RAB6A: variants seen among roughly 807,000 people sequenced by gnomAD.
RAB6A encodes the protein RAB6A, member RAS oncogene family.
RAB6A carries 8 observed loss-of-function variants against 32.3 expected under a neutral mutation model. The observed-to-expected ratio is 0.25, with a 90% CI of 0.15 to 0.45. The LOEUF (loss-of-function observed/expected upper bound fraction) is 0.45. Ranked by LOEUF, RAB6A falls within the 20% of genes least tolerant of loss-of-function variation. The probability of loss-of-function intolerance (pLI) is 1.00; values close to 1 mark genes in which losing one functional copy is unlikely to be tolerated. For missense variants in RAB6A, 104 were observed against 249.4 expected (o/e 0.42, Z 3.93); for synonymous variants, 73 against 82.1 (o/e 0.89, Z 0.60).
intron 2 of RAB6A, 102 bp from the exon 3 acceptor site, chr11:73,721,001 A>G: frequency 1.2e-6 from 1 of 839,900 alleles, no homozygotes; most frequent in Non-Finnish European, 2.0e-6. Flanking sequence ...TAATGAATAA[A>G]CAAATCAATA....
Position 73,704,646 on chromosome 11 carries a change from C to T in RAB6A, c.495+2774G>A, listed in dbSNP as rs554872115. On this transcript the variant is annotated intron_variant, in intron 6 of 7. Coordinates refer to ENST00000336083, the MANE Select transcript of RAB6A (RefSeq NM_198896.2). The stretch of plus-strand genomic sequence containing the variant: ...GTTGCAGTGAGCTGAGATCGTGCCA[C>T]TGCACTCCAGCCTGGCGACAGAGTG... Among the ~76,000 whole-genome samples the T allele has an allele frequency of 1.1e-4, 17 of 151,854 alleles. No homozygotes were observed. In the South Asian group the frequency reaches 3.5e-3, roughly 32 times the overall value.
At chr11:73,701,583 TAA>T (rs1232192058) in intron 6 of RAB6A, among the ~76,000 whole-genome samples, 3 of 152,242 alleles carry the variant, frequency 2.0e-5, no homozygotes, top group Non-Finnish European at 2.9e-5. Context: ...GCAGCTTGTA[TAA>T]GACTAACACT....
At chr11:73,679,035 T>C (rs1945313904) in intron 7 of RAB6A, among the ~76,000 whole-genome samples, 1 of 152,114 alleles carries the variant, frequency 6.6e-6, no homozygotes, top group Admixed American at 6.5e-5. Flanking sequence ...CTGTTTTATG[T>C]TTTTTATGAA....
intron 6 of RAB6A, among the ~76,000 whole-genome samples, chr11:73,688,080 C>G (rs762882206): frequency 1.1e-4 from 17 of 152,156 alleles, no homozygotes; most frequent in Non-Finnish European, 1.8e-4. Flanking sequence ...TAAGGTAGAG[C>G]TGGTCAAGTT....
intron 3 of RAB6A, chr11:73,718,958 A>G: frequency 7.2e-7 from 1 of 1,380,228 alleles, no homozygotes; most frequent in East Asian, 2.5e-5. Context: ...AAAAGAAACA[A>G]TGTTTTTTGT....
intron 2 of RAB6A, among the ~76,000 whole-genome samples, chr11:73,721,951 C>A (rs1033106509): frequency 1.3e-5 from 2 of 152,046 alleles, no homozygotes; most frequent in Admixed American, 1.3e-4. Flanking sequence ...GTTGAGTTCT[C>A]ACGAGATCTG....
intron 5 of RAB6A, among the ~76,000 whole-genome samples, chr11:73,714,409 C>T (rs1946020966): frequency 6.7e-6 from 1 of 149,716 alleles, no homozygotes; most frequent in Non-Finnish European, 1.5e-5. Context: ...CGCCTGTAAT[C>T]CCAGCACTTT....
At chr11:73,737,126 C>G (rs1458017244) in intron 1 of RAB6A, among the ~76,000 whole-genome samples, 1 of 152,118 alleles carries the variant, frequency 6.6e-6, no homozygotes, top group Admixed American at 6.6e-5. Context: ...TAAAAGATAT[C>G]CAGAAAATGT....
chr11:73,755,326 C>T (rs1381840905), intron 1 of RAB6A, among the ~76,000 whole-genome samples: 2 of 147,344 alleles, frequency 1.4e-5, no homozygotes, highest in Non-Finnish European at 3.0e-5. Flanking sequence ...TGGAGCCTCA[C>T]TCTGTTGCCC....
intron 5 of RAB6A, among the ~76,000 whole-genome samples, chr11:73,709,585 C>G (rs1273126606): frequency 4.0e-5 from 6 of 149,886 alleles, no homozygotes; most frequent in African/African-American, 1.5e-4. Context: ...GACATAACCT[C>G]AATGGTCTTT....
intron 6 of RAB6A, among the ~76,000 whole-genome samples, chr11:73,696,029 A>G (rs1199616180): frequency 1.3e-5 from 2 of 152,194 alleles, no homozygotes; most frequent in East Asian, 3.8e-4. Flanking sequence ...TATGAAGTTA[A>G]CTAAGTAGTT....
At chr11:73,700,610 G>GTGTGTGT (rs1491147897) in intron 6 of RAB6A, among the ~76,000 whole-genome samples, 1 of 12,672 alleles carries the variant, frequency 7.9e-5, no homozygotes, top group African/African-American at 1.6e-4. Context: ...GTGTGTGTGT[G>GTGTGTGT]GGGGGGGGGG....
At chr11:73,689,001 T>C (rs991134095) in intron 6 of RAB6A, among the ~76,000 whole-genome samples, 3 of 151,992 alleles carry the variant, frequency 2.0e-5, no homozygotes, top group African/African-American at 7.2e-5. Flanking sequence ...TAGGCTCCTG[T>C]AGTCCAAGCT....
chr11:73,685,626 C>A lies in RAB6A; in HGVS notation c.496-5906G>T, dbSNP rs572604658. Among the ~76,000 whole-genome samples, 5 of 49,490 alleles carry A rather than the reference C, an allele frequency of 1.0e-4. No individual in the cohort carries two copies. In the South Asian group the frequency reaches 3.7e-3, roughly 37 times the overall value. The allele number at this position is 49,490 out of a possible 152,430, so 32.5% of individuals were successfully genotyped here. ...AGGTGCGGTGCCTCACGCCTGTAAT[C>A]CCAGGACTTTGGGAGGCCAAGACGG... On this transcript the variant is annotated intron_variant, in intron 6 of 7. Coordinates refer to ENST00000336083, the MANE Select transcript of RAB6A (RefSeq NM_198896.2).
chr11:73,720,354 G>A (rs1248570608), intron 3 of RAB6A, among the ~76,000 whole-genome samples: 3 of 151,502 alleles, frequency 2.0e-5, no homozygotes, highest in Non-Finnish European at 4.4e-5. Flanking sequence ...CTAATTTTTT[G>A]TATTTTTAAT....
At chr11:73,747,758 T>A (rs879503093) in intron 1 of RAB6A, among the ~76,000 whole-genome samples, 2 of 152,186 alleles carry the variant, frequency 1.3e-5, no homozygotes, top group Admixed American at 1.3e-4. Context: ...TTTCAAATAA[T>A]ACTTGTCAGT....
chr11:73,711,020 C>A (rs978196214), intron 5 of RAB6A, among the ~76,000 whole-genome samples: 12 of 152,162 alleles, frequency 7.9e-5, no homozygotes, highest in African/African-American at 2.9e-4. Context: ...CTAATTGGGA[C>A]TCAAAGGCTT....
intron 2 of RAB6A, chr11:73,722,305 G>GTGTGTGTATATA (rs1238666420): frequency 9.4e-5 from 4 of 42,364 alleles, no homozygotes; most frequent in African/African-American, 2.0e-4. Context: ...ATGTGTGTGT[G>GTGTGTGTATATA]TATATATATA....
chr11:73,746,659 A>G (rs1181506781), intron 1 of RAB6A, among the ~76,000 whole-genome samples: 1 of 152,056 alleles, frequency 6.6e-6, no homozygotes, highest in Non-Finnish European at 1.5e-5. Flanking sequence ...ATTCCCAGCT[A>G]TGGTGAGAGG....
Sources: gnomAD v4.1 joint callset for allele counts (sites outside exome capture counted in the v4.1 genomes callset) on GRCh38, gnomAD v4.1.1 for gene constraint, MANE v1.5 for transcripts, NCBI Gene and HGNC (gene_info 2026-07-23, HGNC 2026-07-21) for gene names.